The following SLC48A1 variants were observed in gnomAD, a reference collection of about 807,000 sequenced individuals.
The protein encoded by SLC48A1 is heme transporter HRG1.
A neutral mutation model predicts 14.8 loss-of-function variants in SLC48A1; 6 were observed. That is an observed-to-expected ratio of 0.41 (90% CI 0.22 to 0.80). The LOEUF (loss-of-function observed/expected upper bound fraction) is 0.80, where lower values mean the gene tolerates loss of function less well. SLC48A1 is among the 30% of genes least tolerant of loss of function. The pLI is 0.34. For missense variants in SLC48A1, 165 were observed against 204.8 expected (o/e 0.81, Z 1.19); for synonymous variants, 89 against 90.0 (o/e 0.99, Z 0.06).
At chr12:47,760,051 G>C (rs1942329952) in intron 1 of SLC48A1, among the ~76,000 whole-genome samples, 1 of 152,134 alleles carries the variant, frequency 6.6e-6, no homozygotes. Context: ...TTTCTTGAAA[G>C]TGGGGAGAGA....
In SLC48A1 at chr12:47,780,630, G is replaced by A. The variant is rs185051767; in HGVS notation, c.*349G>A. The A allele has an allele frequency of 9.3e-6, 4 of 428,220 alleles. No individual in the cohort carries two copies. In the East Asian group the frequency reaches 2.1e-4, roughly 22 times the overall value. The allele number at this position is 428,220 out of a possible 1,614,324, so 26.5% of individuals were successfully genotyped here. A position where few individuals can be genotyped will look rare whatever the true frequency, so the allele number is the denominator to read the frequency against. On this transcript the variant is annotated 3_prime_UTR_variant, in exon 3 of 3. Transcript: ENST00000442218. Reference sequence around the variant, plus strand: ...CACCCAGGCTGGAGTGCAGTAGTGCGATCTCAGCTCACTGCAACCTCCGCC... The same window carrying A: ...CACCCAGGCTGGAGTGCAGTAGTGCAATCTCAGCTCACTGCAACCTCCGCC...
intron 2 of SLC48A1, among the ~76,000 whole-genome samples, chr12:47,763,743 C>T (rs1942444878): frequency 6.6e-6 from 1 of 152,126 alleles, no homozygotes; most frequent in Admixed American, 6.5e-5. Flanking sequence ...CCACTTATGA[C>T]AGTGATGGGA....
At chr12:47,769,408 G>A (rs1942580979), upstream of SLC48A1, 1 of 152,218 alleles carries the variant, frequency 6.6e-6, no homozygotes, top group African/African-American at 2.4e-5. Context: ...TATGAGTGGT[G>A]CACACCCATG....
chr12:47,778,979 A>G lies in SLC48A1; in HGVS notation c.137-49A>G, dbSNP rs1366420780. ...AATAGGCCTGGTCTAGTGGATCTGCAGGGCTCTGGAGCACCCTGGGGATGG... is the reference window on the plus strand; with the variant it reads ...AATAGGCCTGGTCTAGTGGATCTGCGGGGCTCTGGAGCACCCTGGGGATGG... On this transcript the variant is annotated intron_variant, in intron 1 of 2. Coordinates refer to ENST00000442218, the MANE Select transcript of SLC48A1 (RefSeq NM_017842.3). 4 of 1,524,452 alleles carry G rather than the reference A, an allele frequency of 2.6e-6. No homozygotes were observed. The South Asian group carries it at 4.9e-5, about 19-fold the overall frequency. The allele number at this position is 1,524,452 out of a possible 1,614,324, so 94.4% of individuals were successfully genotyped here. A position where few individuals can be genotyped will look rare whatever the true frequency, so the allele number is the denominator to read the frequency against.
chr12:47,761,254 G>C (rs1243876001), intron 2 of SLC48A1, among the ~76,000 whole-genome samples: 2 of 151,650 alleles, frequency 1.3e-5, no homozygotes, highest in African/African-American at 2.4e-5. Flanking sequence ...AGGTGTGGGG[G>C]AGCCTCAGGG....
At position 47,780,950 on chromosome 12, in the gene SLC48A1, A is replaced by G; in HGVS notation, c.*669A>G. Reference sequence around the variant, plus strand: ...AGTCAAGAGGTCAAGGTGTAGGGCCATGAGGCCTGGACCTATGCTGCAGGC... The same window carrying G: ...AGTCAAGAGGTCAAGGTGTAGGGCCGTGAGGCCTGGACCTATGCTGCAGGC... On this transcript the variant is annotated 3_prime_UTR_variant, in exon 3 of 3. Transcript: ENST00000442218. The G allele has an allele frequency of 5.6e-6, 3 of 532,808 alleles. No individual in the cohort carries two copies. The highest frequency in any genetic ancestry group is 2.8e-5 in the South Asian group (2 of 71,382). The allele number at this position is 532,808 out of a possible 1,614,324, so 33.0% of individuals were successfully genotyped here.
upstream of SLC48A1, chr12:47,773,061 T>G: frequency 2.2e-6 from 1 of 459,986 alleles, no homozygotes; most frequent in Non-Finnish European, 2.9e-6. Flanking sequence ...GAATCCGCCT[T>G]TTTAGCAGCA....
chr12:47,762,356 T>C (rs1942400949), intron 2 of SLC48A1, among the ~76,000 whole-genome samples: 1 of 152,114 alleles, frequency 6.6e-6, no homozygotes, highest in South Asian at 2.1e-4. Flanking sequence ...TCATACTCCC[T>C]TCCTGCCCCA....
intron 1 of SLC48A1, among the ~76,000 whole-genome samples, chr12:47,759,606 G>A (rs556414464): frequency 6.9e-6 from 1 of 143,998 alleles, no homozygotes; most frequent in Admixed American, 6.9e-5. Flanking sequence ...GGCGGAGACC[G>A]GGCATTCCAG....
intron 2 of SLC48A1, among the ~76,000 whole-genome samples, chr12:47,766,384 T>C (rs546079766): frequency 2.0e-4 from 30 of 152,192 alleles, no homozygotes; most frequent in African/African-American, 7.0e-4. Flanking sequence ...CCTGGCAGCT[T>C]CCAAGGAGTC....
At position 47,780,895 on chromosome 12, in the gene SLC48A1, G is replaced by T. The variant is rs1942858824; in HGVS notation, c.*614G>T. 1 of 533,250 alleles carries T rather than the reference G, an allele frequency of 1.9e-6. No homozygotes were observed. The highest frequency in any genetic ancestry group is 3.8e-6 in the Non-Finnish European group (1 of 260,046). The allele number at this position is 533,250 out of a possible 1,614,324, so 33.0% of individuals were successfully genotyped here. ...ATCTGTTTTCTTAGCACGCAGTGAG[G>T]AATCTTTGTACTTAAGGCCAGGGCA... On this transcript the variant is annotated 3_prime_UTR_variant, in exon 3 of 3. Coordinates refer to ENST00000442218, the MANE Select transcript of SLC48A1 (RefSeq NM_017842.3).
chr12:47,767,201 G>C (rs1239756402), upstream of SLC48A1, among the ~76,000 whole-genome samples: 2 of 150,558 alleles, frequency 1.3e-5, no homozygotes, highest in African/African-American at 2.4e-5. Flanking sequence ...GGGTGGGGGG[G>C]TGGAGGGGCG....
In SLC48A1 at chr12:47,780,165, T is replaced by C; in HGVS notation, c.325T>C (p.Tyr109His). Residue 109 changes from tyrosine to histidine, a missense_variant, in exon 3 of 3, where the codon TAC (tyrosine) becomes CAC (histidine). Coordinates refer to ENST00000442218, the MANE Select transcript of SLC48A1 (RefSeq NM_017842.3). ...RHQSLTDPTSYYLSSVWSFIS... is the reference protein window; with the variant it reads ...RHQSLTDPTSHYLSSVWSFIS... ...TGCAGGCCTCACAGACCCCACCAGCTACTACCTCTCCAGCGTCTGGAGCTT... is the reference window on the plus strand; with the variant it reads ...TGCAGGCCTCACAGACCCCACCAGCCACTACCTCTCCAGCGTCTGGAGCTT... The C allele has an allele frequency of 1.2e-6, 2 of 1,609,716 alleles. No homozygotes were observed. The highest frequency in any genetic ancestry group is 1.7e-6 in the Non-Finnish European group (2 of 1,177,544).
In SLC48A1 at chr12:47,781,228, A is replaced by T. The variant is rs555744236; in HGVS notation, c.*947A>T. On this transcript the variant is annotated 3_prime_UTR_variant, in exon 3 of 3. Coordinates refer to ENST00000442218, the MANE Select transcript of SLC48A1 (RefSeq NM_017842.3). ...CCCAAATGAGGCCAGACTCAGGGTC[A>T]CGGGGAATGTGCTTCTGCCCCTGTA... The T allele has an allele frequency of 4.5e-6, 1 of 220,382 alleles. No homozygotes were observed. Among genetic ancestry groups the T allele is most frequent in the African/African-American group, 2.4e-5 (1 of 42,432 alleles). 13.7% of individuals were successfully genotyped at this position (220,382 alleles called of 1,614,324 possible).
chr12:47,770,087 T>A (rs1942598473), upstream of SLC48A1, among the ~76,000 whole-genome samples: 1 of 152,224 alleles, frequency 6.6e-6, no homozygotes, highest in Admixed American at 6.5e-5. Flanking sequence ...TCACAGCAAA[T>A]GGTGAAGCTA....
chr12:47,766,163 C>T lies in SLC48A1; in HGVS notation c.-187+5762C>T, dbSNP rs115030303. 3.0e-3 allele frequency among the ~76,000 whole-genome samples: 463 copies of T among 152,308 alleles called. 4 individuals carry two copies. The highest frequency in any genetic ancestry group is 9.7e-3 in the African/African-American group (403 of 41,550). On this transcript the variant is annotated intron_variant, in intron 2 of 4. Transcript: ENST00000547002. Reference sequence around the variant, plus strand: ...TTCACCCAGTGCCCATTCAGCTGGACTAGAGGGGGACCCACGTGCACTGAT... The same window carrying T: ...TTCACCCAGTGCCCATTCAGCTGGATTAGAGGGGGACCCACGTGCACTGAT...
chr12:47,772,645 C>A (rs12316016), upstream of SLC48A1, among the ~76,000 whole-genome samples: 1,410 of 151,950 alleles, frequency 9.3e-3, 26 homozygotes, highest in South Asian at 0.095. Context: ...CCACTGTACT[C>A]CTGCCCGGGC....
intron 2 of SLC48A1, among the ~76,000 whole-genome samples, chr12:47,779,912 C>T (rs899104110): frequency 2.0e-5 from 3 of 152,242 alleles, no homozygotes; most frequent in Non-Finnish European, 4.4e-5. Flanking sequence ...CATCCCCAAA[C>T]CATCCCAAGG....
chr12:47,773,010 G>C (rs551415914), upstream of SLC48A1, among the ~76,000 whole-genome samples: 4 of 152,218 alleles, frequency 2.6e-5, no homozygotes, highest in African/African-American at 9.6e-5. Flanking sequence ...CCCTTCCAAG[G>C]TCCAACAATC....
Sources: gnomAD v4.1 joint callset for allele counts (sites outside exome capture counted in the v4.1 genomes callset) on GRCh38, gnomAD v4.1.1 for gene constraint, MANE v1.5 for transcripts, NCBI Gene and HGNC (gene_info 2026-07-23, HGNC 2026-07-21) for gene names.